YTHDF3: variants seen among roughly 807,000 people sequenced by gnomAD.
The protein encoded by YTHDF3 is YTH N6-methyladenosine RNA binding protein F3.
YTHDF3 carries 9 observed loss-of-function variants against 52.5 expected under a neutral mutation model. The ratio of observed to expected loss-of-function variants is 0.17; its 90% CI spans 0.10 to 0.30. The LOEUF is 0.30. Among genes scored for constraint, YTHDF3 ranks in the 10% least tolerant of loss-of-function variants. The pLI is 1.00. For synonymous variants in YTHDF3, 274 were observed against 243.3 expected (o/e 1.13, Z -1.18); for missense variants, 534 against 715.0 (o/e 0.75, Z 2.89).
rs1563389233 is a variant in YTHDF3 at position 63,169,422 on chromosome 8, A to T, written c.49+11A>T. On this transcript the variant is annotated intron_variant, in intron 2 of 4. Coordinates refer to ENST00000539294, the MANE Select transcript of YTHDF3 (RefSeq NM_152758.6). Reference sequence around the variant, plus strand: ...GGCAAGGAAATAAAGGTGAGTTTGGATTTTTTTTTTTCTTATTGCTCAATG... The same window carrying T: ...GGCAAGGAAATAAAGGTGAGTTTGGTTTTTTTTTTTTCTTATTGCTCAATG... 5 of 1,308,264 alleles carry T rather than the reference A, an allele frequency of 3.8e-6. No individual in the cohort carries two copies. The highest frequency in any genetic ancestry group is 5.2e-6 in the Non-Finnish European group (5 of 958,230). 81.0% of individuals were successfully genotyped at this position (1,308,264 alleles called of 1,614,324 possible).
In YTHDF3 at chr8:63,178,156, A is replaced by G. The variant is rs1807828814; in HGVS notation, c.135+2740A>G. On this transcript the variant is annotated intron_variant, in intron 3 of 4. Coordinates refer to ENST00000539294, the MANE Select transcript of YTHDF3 (RefSeq NM_152758.6). ...TTGCATGTTTTGCTTGATAACAGAT[A>G]TTTTACAATTCTTTATTATTTGTCA... Among the ~76,000 whole-genome samples, 4 of 152,104 alleles carry G rather than the reference A, an allele frequency of 2.6e-5. 1 individual carries two copies. The South Asian group carries it at 8.3e-4, about 31-fold the overall frequency.
intron 4 of YTHDF3, among the ~76,000 whole-genome samples, chr8:63,197,441 T>C (rs954438484): frequency 1.3e-5 from 2 of 152,196 alleles, no homozygotes; most frequent in Non-Finnish European, 2.9e-5. Flanking sequence ...CAAAATGTTA[T>C]GAGATGGAAT....
intron 2 of YTHDF3, among the ~76,000 whole-genome samples, chr8:63,170,164 G>A (rs1445766623): frequency 6.6e-6 from 1 of 152,154 alleles, no homozygotes; most frequent in East Asian, 1.9e-4. Flanking sequence ...AACAATAACT[G>A]CTTTCTTGGG....
intron 3 of YTHDF3, among the ~76,000 whole-genome samples, chr8:63,182,477 C>T (rs1348800864): frequency 6.6e-6 from 1 of 152,078 alleles, no homozygotes; most frequent in East Asian, 1.9e-4. Context: ...TTGCTGACCC[C>T]TGAATTATAC....
At chr8:63,208,376 T>C (rs1233971511) in intron 4 of YTHDF3, among the ~76,000 whole-genome samples, 1 of 152,190 alleles carries the variant, frequency 6.6e-6, no homozygotes, top group African/African-American at 2.4e-5. Context: ...AAAATACGAT[T>C]TATATTTGTT....
chr8:63,209,898 C>G lies in YTHDF3; in HGVS notation c.*192C>G, dbSNP rs765140183. On this transcript the variant is annotated 3_prime_UTR_variant, in exon 5 of 5. Transcript: ENST00000539294. ...GCCCTTATACTCTTCACCAAACACA[C>G]TTGAGAACTGTAACTTCGTCAAGCA... 23 of 511,484 alleles carry G rather than the reference C, an allele frequency of 4.5e-5. No homozygotes were observed. The highest frequency in any genetic ancestry group is 7.4e-5 in the Non-Finnish European group (22 of 297,450). 31.7% of individuals were successfully genotyped at this position (511,484 alleles called of 1,614,324 possible).
At chr8:63,195,820 G>A (rs1172583882) in intron 4 of YTHDF3, among the ~76,000 whole-genome samples, 2 of 151,798 alleles carry the variant, frequency 1.3e-5, no homozygotes, top group Admixed American at 6.6e-5. Context: ...GCATGTGTGT[G>A]TCAGGGTCTC....
At chr8:63,195,735 T>C (rs1191381572) in intron 4 of YTHDF3, among the ~76,000 whole-genome samples, 2 of 113,556 alleles carry the variant, frequency 1.8e-5, no homozygotes, top group African/African-American at 7.1e-5. Context: ...TATTTACGTG[T>C]GTGTGTGTGT....
chr8:63,180,379 G>A (rs1185140192), intron 3 of YTHDF3, among the ~76,000 whole-genome samples: 1 of 150,856 alleles, frequency 6.6e-6, no homozygotes, highest in Non-Finnish European at 1.5e-5. Context: ...GACGATGGGC[G>A]GCTGGGCAGA....
intron 4 of YTHDF3, among the ~76,000 whole-genome samples, chr8:63,192,683 A>G (rs1808984988): frequency 6.6e-6 from 1 of 152,196 alleles, no homozygotes; most frequent in Non-Finnish European, 1.5e-5. Flanking sequence ...ACTTCCCAGT[A>G]TAACTGCTTT....
At chr8:63,204,116 G>A (rs957860527) in intron 4 of YTHDF3, among the ~76,000 whole-genome samples, 2 of 152,028 alleles carry the variant, frequency 1.3e-5, no homozygotes, top group South Asian at 2.1e-4. Context: ...TTTGTTGTTT[G>A]TCACCCTTCT....
chr8:63,195,570 C>T (rs1302237478), intron 4 of YTHDF3, among the ~76,000 whole-genome samples: 3 of 152,000 alleles, frequency 2.0e-5, no homozygotes, highest in Admixed American at 6.6e-5. Flanking sequence ...GAGAGGTGCT[C>T]CAGTATTTCT....
At chr8:63,171,312 T>C (rs1342180879) in intron 2 of YTHDF3, among the ~76,000 whole-genome samples, 1 of 152,182 alleles carries the variant, frequency 6.6e-6, no homozygotes, top group Non-Finnish European at 1.5e-5. Flanking sequence ...CCATAATTCC[T>C]ATAGTATGTT....
rs1209134987 is a variant in YTHDF3, at chr8:63,175,403, G to A, written c.122G>A (p.Ser41Asn). ...NDDDFEPYLS[S>N]QTNQSNSYPP... ...GATGATTTTGAGCCATACTTAAGTA[G>A]CCAGACAAATCAGGTAAGTCTTCTG... Residue 41 changes from serine to asparagine, a missense_variant, in exon 3 of 5, where the codon AGC becomes AAC. By Grantham distance (46) the Ser-to-Asn change is conservative. Coordinates refer to ENST00000539294, the MANE Select transcript of YTHDF3 (RefSeq NM_152758.6). 6.2e-7 allele frequency: 1 copy of A among 1,611,278 alleles called. No individual in the cohort carries two copies. The highest frequency in any genetic ancestry group is 8.5e-7 in the Non-Finnish European group (1 of 1,178,454).
chr8:63,196,648 A>C (rs1299326871), intron 4 of YTHDF3, among the ~76,000 whole-genome samples: 3 of 152,150 alleles, frequency 2.0e-5, no homozygotes, highest in East Asian at 3.8e-4. Flanking sequence ...CAAAGAAAGG[A>C]GAATCAGACT....
In YTHDF3 at chr8:63,168,719, C is replaced by T; in HGVS notation, c.-159C>T. On this transcript the variant is annotated 5_prime_UTR_variant, in exon 1 of 5. Coordinates refer to ENST00000539294, the MANE Select transcript of YTHDF3 (RefSeq NM_152758.6). ...GGAAAAGACGGGCCTCTTCCTCCGA[C>T]TCCCGAGCGCGAGGCCCTCATTTTG... is the stretch of plus-strand genomic sequence containing the variant. 1.4e-6 allele frequency: 2 copies of T among 1,421,332 alleles called. No homozygotes were observed. The highest frequency in any genetic ancestry group is 2.5e-5 in the East Asian group (1 of 39,618). The allele number at this position is 1,421,332 out of a possible 1,614,324, so 88.0% of individuals were successfully genotyped here.
At chr8:63,183,250 G>A (rs758616254) in intron 3 of YTHDF3, among the ~76,000 whole-genome samples, 2 of 151,996 alleles carry the variant, frequency 1.3e-5, no homozygotes, top group Admixed American at 6.6e-5. Context: ...CATGAACCAC[G>A]GTGTCCAGCC....
chr8:63,179,829 C>T (rs1366773240), intron 3 of YTHDF3, among the ~76,000 whole-genome samples: 23 of 151,396 alleles, frequency 1.5e-4, no homozygotes, highest in African/African-American at 3.2e-4. Flanking sequence ...CCGGACGGGG[C>T]GGCTGGCCGG....
intron 4 of YTHDF3, among the ~76,000 whole-genome samples, chr8:63,198,488 A>G (rs1809381750): frequency 6.6e-6 from 1 of 152,194 alleles, no homozygotes; most frequent in African/African-American, 2.4e-5. Context: ...GCTGGTCTCA[A>G]ACTCCTGACC....
Sources: gnomAD v4.1 joint callset for allele counts (sites outside exome capture counted in the v4.1 genomes callset) on GRCh38, gnomAD v4.1.1 for gene constraint, MANE v1.5 for transcripts, NCBI Gene and HGNC (gene_info 2026-07-23, HGNC 2026-07-21) for gene names.